Variants in NR3C2 observed in about 807,000 individuals in gnomAD.
The protein encoded by NR3C2 is mineralocorticoid receptor.
A neutral mutation model predicts 86.4 loss-of-function variants in NR3C2; 15 were observed. The observed-to-expected ratio is 0.17, with a 90% confidence interval of 0.12 to 0.27. NR3C2 has a LOEUF of 0.27. NR3C2 is among the 10% of genes least tolerant of loss of function. NR3C2 has a pLI of 1.00. For missense variants in NR3C2, 960 were observed against 1,195.6 expected, an observed-to-expected ratio of 0.80 and a Z score of 2.91; for synonymous variants, 458 against 450.5, an observed-to-expected ratio of 1.02 and a Z score of -0.21.
rs566647957 is a variant in NR3C2 at position 148,082,336 on chromosome 4, G to C, written c.2800-837C>G. ...CCAGTGAGATCAATGCACAAGGTGG[G>C]TGATTGCTGCATTTCCAACTGAGGT... On this transcript the variant is annotated intron_variant, in intron 8 of 8. Coordinates refer to ENST00000358102, the MANE Select transcript of NR3C2 (RefSeq NM_000901.5). Among the ~76,000 whole-genome samples, 3 of 152,326 alleles carry C rather than the reference G, an allele frequency of 2.0e-5. No homozygotes were observed. The East Asian group carries it at 5.8e-4, about 29-fold the overall frequency.
intron 3 of NR3C2, among the ~76,000 whole-genome samples, chr4:148,242,902 C>T (rs1004219120): frequency 1.3e-5 from 2 of 151,922 alleles, no homozygotes; most frequent in African/African-American, 4.8e-5. Context: ...TTTATGTGTA[C>T]TCAATGAGAC....
At chr4:148,199,389 T>C (rs2149806693) in intron 3 of NR3C2, among the ~76,000 whole-genome samples, 1 of 152,272 alleles carries the variant, frequency 6.6e-6, no homozygotes, top group Non-Finnish European at 1.5e-5. Flanking sequence ...AATTCTAGAC[T>C]AGGGCCCAAG....
At chr4:148,331,337 C>A (rs145911872) in intron 2 of NR3C2, among the ~76,000 whole-genome samples, 1 of 152,252 alleles carries the variant, frequency 6.6e-6, no homozygotes, top group East Asian at 1.9e-4. Flanking sequence ...AAAGAATTTG[C>A]AGAGCAAGAG....
intron 7 of NR3C2, among the ~76,000 whole-genome samples, chr4:148,117,443 C>T (rs1018789266): frequency 6.6e-6 from 1 of 152,104 alleles, no homozygotes; most frequent in African/African-American, 2.4e-5. Flanking sequence ...GGTGACTGCT[C>T]TTAGGGGAGC....
In NR3C2 at chr4:148,281,318, G is replaced by A. The variant is rs181047118; in HGVS notation, c.1758-21201C>T. On this transcript the variant is annotated intron_variant, in intron 2 of 8. Coordinates refer to ENST00000358102, the MANE Select transcript of NR3C2 (RefSeq NM_000901.5). Reference sequence around the variant, plus strand: ...TGCAGGGAAAACCGTTTAAACTGTAGTTACTTACATGTAACTGAAATAAAA... The same window carrying A: ...TGCAGGGAAAACCGTTTAAACTGTAATTACTTACATGTAACTGAAATAAAA... Among the ~76,000 whole-genome samples the A allele has an allele frequency of 1.1e-4, 16 of 152,324 alleles. No homozygotes were observed. The East Asian group carries it at 3.1e-3, about 29-fold the overall frequency.
At chr4:148,387,157 T>A (rs1329524427) in intron 2 of NR3C2, among the ~76,000 whole-genome samples, 3 of 152,352 alleles carry the variant, frequency 2.0e-5, no homozygotes, top group Admixed American at 2.0e-4. Flanking sequence ...TTTTCTTTCC[T>A]GCAGAAAGCT....
intron 3 of NR3C2, among the ~76,000 whole-genome samples, chr4:148,247,158 T>C (rs17024506): frequency 0.049 from 7,420 of 152,282 alleles, 233 homozygotes; most frequent in African/African-American, 0.091. Context: ...TACTTTCATG[T>C]TACTTTTCGA....
Position 148,435,092 on chromosome 4 carries a change from A to T in NR3C2, c.1757+12T>A. The T allele has an allele frequency of 6.2e-7, 1 of 1,614,106 alleles. No individual in the cohort carries two copies. The highest frequency in any genetic ancestry group is 8.5e-7 in the Non-Finnish European group (1 of 1,179,946). ...GCCATGACTTCCAAAAAAATGGAGA[A>T]AACCAACTTACCTTGATACATTTTC... On this transcript the variant is annotated intron_variant, in intron 2 of 8. Coordinates refer to ENST00000358102, the MANE Select transcript of NR3C2 (RefSeq NM_000901.5).
At chr4:148,235,771 A>C (rs954153012) in intron 3 of NR3C2, among the ~76,000 whole-genome samples, 13 of 152,160 alleles carry the variant, frequency 8.5e-5, no homozygotes, top group African/African-American at 2.9e-4. Flanking sequence ...ACAAGGATCT[A>C]CTTCAACAAT....
chr4:148,216,049 A>C (rs1313300114), intron 3 of NR3C2, among the ~76,000 whole-genome samples: 1 of 152,078 alleles, frequency 6.6e-6, no homozygotes, highest in African/African-American at 2.4e-5. Flanking sequence ...TGGCCTCCCA[A>C]AGTGTGAGAC....
intron 2 of NR3C2, among the ~76,000 whole-genome samples, chr4:148,410,823 G>GC (rs1404466774): frequency 6.6e-6 from 1 of 152,010 alleles, no homozygotes; most frequent in African/African-American, 2.4e-5. Flanking sequence ...TAATTCATGT[G>GC]CCCACACAGT....
intron 8 of NR3C2, among the ~76,000 whole-genome samples, chr4:148,103,239 C>T (rs188844860): frequency 2.5e-3 from 386 of 152,332 alleles, no homozygotes; most frequent in Non-Finnish European, 4.1e-3. Context: ...CCTGACACTC[C>T]GTATCACACC....
chr4:148,135,949 T>C (rs56104428), intron 6 of NR3C2, among the ~76,000 whole-genome samples: 25,876 of 92,922 alleles, frequency 0.28, 4,165 homozygotes, highest in East Asian at 0.53. Flanking sequence ...CCCAGCTACT[T>C]GGGAGGCTGA....
chr4:148,347,416 C>T (rs1053849880), intron 2 of NR3C2, among the ~76,000 whole-genome samples: 22 of 152,030 alleles, frequency 1.4e-4, no homozygotes, highest in South Asian at 2.1e-4. Context: ...TATCTTCAAC[C>T]GACATCTCCT....
At chr4:148,340,986 GGAT>G (rs1225192615) in intron 2 of NR3C2, among the ~76,000 whole-genome samples, 2 of 152,064 alleles carry the variant, frequency 1.3e-5, no homozygotes, top group African/African-American at 4.8e-5. Context: ...TTGCTGGTAA[GGAT>G]GAAGAGAAAC....
At chr4:148,226,441 C>A (rs1010467186) in intron 3 of NR3C2, among the ~76,000 whole-genome samples, 1 of 152,074 alleles carries the variant, frequency 6.6e-6, no homozygotes, top group African/African-American at 2.4e-5. Context: ...GTAGTTCATT[C>A]TTTTCATTGC....
intron 2 of NR3C2, among the ~76,000 whole-genome samples, chr4:148,322,980 CTGT>C (rs1743705533): frequency 6.7e-6 from 1 of 150,358 alleles, no homozygotes; most frequent in African/African-American, 2.5e-5. Context: ...TCCAGTTTTT[CTGT>C]TCTGTTTTTT....
At chr4:148,081,531 G>T (rs1373666274) in intron 8 of NR3C2, 32 bp from the exon 9 acceptor site, 1 of 1,613,686 alleles carries the variant, frequency 6.2e-7, no homozygotes, top group South Asian at 1.1e-5. Flanking sequence ...CATGACACGG[G>T]GGCCTCCTTT....
intron 2 of NR3C2, among the ~76,000 whole-genome samples, chr4:148,415,251 T>G (rs976381026): frequency 6.6e-6 from 1 of 152,182 alleles, no homozygotes; most frequent in African/African-American, 2.4e-5. Context: ...TCGCAGGAAC[T>G]GAAGGAGTCA....
Sources: allele counts gnomAD v4.1 joint callset (sites outside exome capture counted in the v4.1 genomes callset), GRCh38; gene constraint gnomAD v4.1.1; transcripts MANE v1.5; gene names NCBI Gene and HGNC (gene_info 2026-07-23, HGNC 2026-07-21).